The following DNAI3 variants were observed in gnomAD, a reference collection of about 807,000 sequenced individuals.
DNAI3 encodes the protein WD repeat domain 63.
Under a neutral mutation model 115.5 loss-of-function variants are expected in DNAI3, and 83 were observed. The ratio of observed to expected loss-of-function variants is 0.72; its 90% CI spans 0.60 to 0.86. The LOEUF is 0.86. Among genes scored for constraint, DNAI3 ranks in the 40% least tolerant of loss-of-function variants. The pLI, the probability that DNAI3 is intolerant of heterozygous loss-of-function variation, is 0.00. For synonymous variants in DNAI3, 320 were observed against 347.0 expected (o/e 0.92, Z 0.86); for missense variants, 1,004 against 1,075.8 (o/e 0.93, Z 0.93).
intron 1 of DNAI3, among the ~76,000 whole-genome samples, chr1:85,068,048 A>G (rs1470150761): frequency 6.6e-6 from 1 of 152,230 alleles, no homozygotes; most frequent in African/African-American, 2.4e-5. Context: ...ACCATTAGGT[A>G]GAAGCCTTTT....
chr1:85,101,031 G>T (rs1260070891), intron 13 of DNAI3, among the ~76,000 whole-genome samples: 1 of 151,836 alleles, frequency 6.6e-6, no homozygotes, highest in African/African-American at 2.4e-5. Context: ...TAAATGACGA[G>T]TGAATGGGTG....
chr1:85,069,493 G>T (rs533227720), intron 1 of DNAI3, among the ~76,000 whole-genome samples: 2 of 152,256 alleles, frequency 1.3e-5, no homozygotes, highest in South Asian at 4.2e-4. Flanking sequence ...ATCTGGTGCA[G>T]CATAGTCACT....
At chr1:85,099,818 C>T (rs1346404836) in intron 13 of DNAI3, among the ~76,000 whole-genome samples, 1 of 152,102 alleles carries the variant, frequency 6.6e-6, no homozygotes, top group Admixed American at 6.5e-5. Flanking sequence ...AATAATGCCG[C>T]ATATCTACAA....
At chr1:85,075,988 T>C (rs7532047) in intron 3 of DNAI3, among the ~76,000 whole-genome samples, 105,317 of 152,106 alleles carry the variant, frequency 0.69, 36,518 homozygotes, top group East Asian at 0.75. Context: ...ATCAGGAGTC[T>C]GAAATTACTT....
chr1:85,079,556 G>A (rs1160112580), intron 3 of DNAI3, among the ~76,000 whole-genome samples: 3 of 152,164 alleles, frequency 2.0e-5, no homozygotes, highest in Non-Finnish European at 4.4e-5. Context: ...ATCCAGGGGC[G>A]TGGGTGCTAG....
chr1:85,084,277 T>TATATATAG (rs59205168), intron 5 of DNAI3, among the ~76,000 whole-genome samples: 1 of 128,472 alleles, frequency 7.8e-6, no homozygotes, highest in African/African-American at 2.8e-5. Flanking sequence ...TATATATATA[T>TATATATAG]ACACATCCAT....
chr1:85,084,277 TACAC>T (rs67767458), intron 5 of DNAI3, among the ~76,000 whole-genome samples: 3 of 128,476 alleles, frequency 2.3e-5, no homozygotes, highest in Non-Finnish European at 3.2e-5. Flanking sequence ...TATATATATA[TACAC>T]ATCCATATGT....
At chr1:85,124,345 T>A in intron 19 of DNAI3, 94 bp downstream of exon 19, 1 of 1,569,466 alleles carries the variant, frequency 6.4e-7, no homozygotes, top group Non-Finnish European at 8.7e-7. Flanking sequence ...ATAGTGCCTT[T>A]GGGACACTTT....
rs766375665 is a variant in DNAI3, at chr1:85,132,851, C to G, written c.2533-4C>G. 6.2e-6 allele frequency: 10 copies of G among 1,611,978 alleles called. No individual in the cohort carries two copies. Among genetic ancestry groups the G allele is most frequent in the East Asian group, 4.5e-5 (2 of 44,802 alleles). ...GGGATGTCTTGTTTTTCTTCCCCCC[C>G]CAGAAAACATATCAGAAGTCAAAAG... On this transcript the variant is annotated splice_polypyrimidine_tract_variant and splice_region_variant and intron_variant, in intron 22 of 22. Coordinates refer to ENST00000294664, the MANE Select transcript of DNAI3 (RefSeq NM_145172.5).
chr1:85,108,948 T>C (rs1265066303), intron 15 of DNAI3, among the ~76,000 whole-genome samples: 1 of 152,180 alleles, frequency 6.6e-6, no homozygotes, highest in Non-Finnish European at 1.5e-5. Flanking sequence ...CTCAAGTTAG[T>C]CCAGAAAAGC....
At chr1:85,124,341 C>T in intron 19 of DNAI3, 90 bp downstream of exon 19, 1 of 1,571,190 alleles carries the variant, frequency 6.4e-7, no homozygotes, top group Non-Finnish European at 8.7e-7. Context: ...CATAATAGTG[C>T]CTTTGGGACA....
rs747256885 is a variant in DNAI3, at chr1:85,082,378, G to A, written c.364G>A (p.Glu122Lys). The A allele has an allele frequency of 1.2e-6, 2 of 1,613,608 alleles. No individual in the cohort carries two copies. The highest frequency in any genetic ancestry group is 1.6e-4 in the Middle Eastern group (1 of 6,062). The change falls in exon 5 of 23, where the codon GAA becomes AAA. Residue 122 changes from glutamate to lysine, a missense_variant. Physicochemically the swap from Glu to Lys is moderately conservative, Grantham distance 56. This residue lies in a region of DNAI3 where 550 missense variants were observed against 568.1 expected (regional missense o/e 0.97). Coordinates refer to ENST00000294664, the MANE Select transcript of DNAI3 (RefSeq NM_145172.5). ...ACTTAACTTTTATCTTATTGCAACT[G>A]AAGAGGGCAAAGAAAACTATTTAAA... ...YGLNFYLIAT[E>K]EGKENYLNPP...
intron 15 of DNAI3, among the ~76,000 whole-genome samples, chr1:85,109,269 T>G (rs1198389658): frequency 1.3e-5 from 2 of 152,258 alleles, no homozygotes; most frequent in Non-Finnish European, 2.9e-5. Context: ...GTTTTAAGTT[T>G]AACTTAATAC....
At chr1:85,117,170 G>T (rs1309754637) in intron 16 of DNAI3, among the ~76,000 whole-genome samples, 1 of 151,880 alleles carries the variant, frequency 6.6e-6, no homozygotes, top group African/African-American at 2.4e-5. Flanking sequence ...AAGTTACCTG[G>T]AAAAATGTTT....
At chr1:85,128,659 G>T in intron 20 of DNAI3, 49 bp from the exon 21 acceptor site, 1 of 1,482,966 alleles carries the variant, frequency 6.7e-7, no homozygotes, top group Non-Finnish European at 9.3e-7. Context: ...TGCTTAAGAT[G>T]GTTTTCTGTT....
chr1:85,105,087 A>G (rs1332423939), intron 14 of DNAI3, among the ~76,000 whole-genome samples: 1 of 152,254 alleles, frequency 6.6e-6, no homozygotes, highest in Non-Finnish European at 1.5e-5. Context: ...GTAATGAAAC[A>G]GGAAATATGA....
chr1:85,099,720 T>A (rs1356432659), intron 13 of DNAI3, among the ~76,000 whole-genome samples: 1 of 152,172 alleles, frequency 6.6e-6, no homozygotes, highest in African/African-American at 2.4e-5. Context: ...GACTTCAAAC[T>A]ATACTACAAG....
At chr1:85,105,540 AAG>A (rs528513199) in intron 14 of DNAI3, among the ~76,000 whole-genome samples, 4,499 of 141,086 alleles carry the variant, frequency 0.032, 291 homozygotes, top group African/African-American at 0.11. Flanking sequence ...AAAAAAAAAA[AAG>A]AAAAAGAAAA....
At chr1:85,118,312 C>A (rs1019608427) in intron 17 of DNAI3, among the ~76,000 whole-genome samples, 16 of 152,196 alleles carry the variant, frequency 1.1e-4, no homozygotes, top group African/African-American at 3.1e-4. Flanking sequence ...GTAATAATAA[C>A]CAAAGCGAGT....
Sources: gnomAD v4.1 joint callset for allele counts (sites outside exome capture counted in the v4.1 genomes callset) on GRCh38, gnomAD v4.1.1 for gene constraint, gnomAD v4.1.1 regional missense constraint, MANE v1.5 for transcripts, NCBI Gene and HGNC (gene_info 2026-07-23, HGNC 2026-07-21) for gene names.